The following GDAP1L1 variants were observed in gnomAD, a reference collection of about 807,000 sequenced individuals.
GDAP1L1 encodes ganglioside-induced differentiation-associated protein 1-like 1.
A neutral mutation model predicts 37.1 loss-of-function variants in GDAP1L1; 21 were observed. That is an observed-to-expected ratio of 0.57 (90% CI 0.40 to 0.81). The LOEUF (loss-of-function observed/expected upper bound fraction) is 0.81. Among genes scored for constraint, GDAP1L1 ranks in the 40% least tolerant of loss-of-function variants. The probability of loss-of-function intolerance (pLI) is 0.00; values close to 1 mark genes in which losing one functional copy is unlikely to be tolerated. For missense variants in GDAP1L1, 362 were observed against 491.6 expected, an observed-to-expected ratio of 0.74 and a Z score of 2.49; for synonymous variants, 193 against 209.1, an observed-to-expected ratio of 0.92 and a Z score of 0.67.
chr20:44,278,067 T>C (rs1442032162), intron 5 of GDAP1L1, among the ~76,000 whole-genome samples: 1 of 150,588 alleles, frequency 6.6e-6, no homozygotes, highest in Non-Finnish European at 1.5e-5. Context: ...AGCGGGAGAA[T>C]TGCTTGAACC....
chr20:44,263,419 G>T (rs1325426793), intron 4 of GDAP1L1, 92 bp downstream of exon 4: 3 of 914,354 alleles, frequency 3.3e-6, no homozygotes, highest in African/African-American at 3.3e-5. Context: ...ATCAGCTGAT[G>T]ATATGAAATG....
chr20:44,257,315 A>G lies in GDAP1L1; in HGVS notation c.343A>G (p.Ile115Val). The G allele has an allele frequency of 1.2e-6, 2 of 1,613,908 alleles. No homozygotes were observed. The highest frequency in any genetic ancestry group is 1.7e-6 in the Non-Finnish European group (2 of 1,179,916). ...CATCATCAGTGACTATGACCAGATCATTGACTATGTGGAGCGCACCTTCAC... is the reference window on the plus strand; with the variant it reads ...CATCATCAGTGACTATGACCAGATCGTTGACTATGTGGAGCGCACCTTCAC... ...DNIISDYDQI[I>V]DYVERTFTGE... Residue 115 changes from isoleucine to valine, a missense_variant, in exon 2 of 6, where the codon ATT (isoleucine) becomes GTT (valine). Physicochemically the swap from Ile to Val is conservative, Grantham distance 29. Coordinates refer to ENST00000342560, the MANE Select transcript of GDAP1L1 (RefSeq NM_024034.6).
chr20:44,258,941 C>A (rs2073618834), intron 3 of GDAP1L1, among the ~76,000 whole-genome samples: 1 of 151,358 alleles, frequency 6.6e-6, no homozygotes, highest in Non-Finnish European at 1.5e-5. Context: ...TCCCATCCCC[C>A]TCCCCTGTCC....
chr20:44,277,259 G>A (rs908765135), intron 5 of GDAP1L1, among the ~76,000 whole-genome samples: 17 of 152,114 alleles, frequency 1.1e-4, no homozygotes, highest in African/African-American at 4.1e-4. Flanking sequence ...GAGCCACGGC[G>A]CCCAGCCAAA....
intron 5 of GDAP1L1, among the ~76,000 whole-genome samples, chr20:44,276,181 A>T (rs555268529): frequency 9.6e-4 from 144 of 150,630 alleles, no homozygotes; most frequent in African/African-American, 3.0e-3. Context: ...AAAAAAAAAA[A>T]AATAATAGCC....
At chr20:44,273,618 G>A (rs537148227) in intron 5 of GDAP1L1, among the ~76,000 whole-genome samples, 3 of 152,192 alleles carry the variant, frequency 2.0e-5, no homozygotes, top group Admixed American at 1.3e-4. Flanking sequence ...CCTACTCAGC[G>A]CCTTCACCTG....
chr20:44,266,436 G>A (rs2073763193), intron 5 of GDAP1L1, among the ~76,000 whole-genome samples: 1 of 151,780 alleles, frequency 6.6e-6, no homozygotes, highest in Non-Finnish European at 1.5e-5. Flanking sequence ...GGGCCTTTGG[G>A]GGACAGAGTC....
chr20:44,247,587 A>T, intron 1 of GDAP1L1, 73 bp downstream of exon 1: 1 of 1,356,846 alleles, frequency 7.4e-7, no homozygotes, highest in Non-Finnish European at 9.8e-7. Context: ...GGCTTGAGGG[A>T]TCTGAGGGCG....
intron 3 of GDAP1L1, among the ~76,000 whole-genome samples, chr20:44,262,633 A>G (rs2073692770): frequency 6.6e-6 from 1 of 151,898 alleles, no homozygotes; most frequent in Admixed American, 6.6e-5. Context: ...TCTTCCCTAC[A>G]GTTTACTCAT....
chr20:44,279,059 AAT>A lies in GDAP1L1; in HGVS notation c.865_866del (p.Tyr289LeufsTer14). 6.2e-7 allele frequency: 1 copy of A among 1,614,170 alleles called. No individual in the cohort carries two copies. Among genetic ancestry groups the A allele is most frequent in the Non-Finnish European group, 8.5e-7 (1 of 1,180,012 alleles). ...CTCAAGTTCCTGGGACTGTCCAAGA[AAT>A]ACTGGGAAGATGGCAGCCGGCCCAA... is the stretch of plus-strand genomic sequence containing the variant. On this transcript the variant is annotated frameshift_variant, in exon 6 of 6. Transcript: ENST00000342560. LOFTEE classifies it high-confidence loss of function.
intron 1 of GDAP1L1, among the ~76,000 whole-genome samples, chr20:44,251,385 C>G (rs1002019034): frequency 6.6e-6 from 1 of 152,196 alleles, no homozygotes; most frequent in Non-Finnish European, 1.5e-5. Context: ...CTCTGGAGGG[C>G]CCCTGGCCCA....
intron 5 of GDAP1L1, among the ~76,000 whole-genome samples, chr20:44,272,433 G>A (rs1047886515): frequency 9.2e-5 from 14 of 152,158 alleles, no homozygotes; most frequent in Non-Finnish European, 1.9e-4. Flanking sequence ...GAGAAGAGAG[G>A]ATGAAAAGAT....
intron 5 of GDAP1L1, among the ~76,000 whole-genome samples, chr20:44,273,309 T>G (rs528124162): frequency 1.3e-5 from 2 of 152,288 alleles, no homozygotes; most frequent in East Asian, 3.9e-4. Context: ...TTGGGCTGCT[T>G]CTTCTCATGT....
intron 2 of GDAP1L1, among the ~76,000 whole-genome samples, chr20:44,257,972 G>A (rs529520059): frequency 6.6e-6 from 1 of 152,112 alleles, no homozygotes; most frequent in South Asian, 2.1e-4. Flanking sequence ...CCAGAACCTC[G>A]CAGAGACCCC....
At chr20:44,257,831 C>G (rs1238619879) in intron 2 of GDAP1L1, among the ~76,000 whole-genome samples, 2 of 151,890 alleles carry the variant, frequency 1.3e-5, no homozygotes, top group Admixed American at 1.3e-4. Flanking sequence ...GCCCCAGAAC[C>G]CTGAGACAGG....
In GDAP1L1 at chr20:44,279,107, G is replaced by A; in HGVS notation, c.911G>A (p.Arg304Lys). Residue 304 changes from arginine to lysine, a missense_variant, in exon 6 of 6, where the codon AGG (arginine) becomes AAG (lysine). Physicochemically the swap from Arg to Lys is conservative, Grantham distance 26 (BLOSUM62 2). Coordinates refer to ENST00000342560, the MANE Select transcript of GDAP1L1 (RefSeq NM_024034.6). ...CCCAACCTGCAGTCCTTCTTTGAGA[G>A]GGTCCAGAGACGCTTTGCCTTCCGG... ...SRPNLQSFFE[R>K]VQRRFAFRKV... is the part of the protein sequence containing the mutation. 6.2e-7 allele frequency: 1 copy of A among 1,614,166 alleles called. No homozygotes were observed. The highest frequency in any genetic ancestry group is 8.5e-7 in the Non-Finnish European group (1 of 1,180,016).
At chr20:44,267,552 A>G (rs2062467318) in intron 5 of GDAP1L1, among the ~76,000 whole-genome samples, 1 of 150,490 alleles carries the variant, frequency 6.6e-6, no homozygotes, top group African/African-American at 2.4e-5. Flanking sequence ...CAGAGGTTGC[A>G]GTGAGCTGAG....
In GDAP1L1 at chr20:44,265,236, G is replaced by T. The variant is rs973682450; in HGVS notation, c.760+677G>T. ...TGCTCCCAGCTGGGCCTCTAAACTTGGACATGCCAGCTTCATTCTACCTCC... is the reference window on the plus strand; with the variant it reads ...TGCTCCCAGCTGGGCCTCTAAACTTTGACATGCCAGCTTCATTCTACCTCC... On this transcript the variant is annotated intron_variant, in intron 5 of 5. Coordinates refer to ENST00000342560, the MANE Select transcript of GDAP1L1 (RefSeq NM_024034.6). 6.1e-6 allele frequency: 6 copies of T among 985,160 alleles called. No individual in the cohort carries two copies. The African/African-American group carries it at 1.0e-4, about 17-fold the overall frequency. 61.0% of individuals were successfully genotyped at this position (985,160 alleles called of 1,614,324 possible).
At chr20:44,269,836 C>T (rs2062494309) in intron 5 of GDAP1L1, among the ~76,000 whole-genome samples, 1 of 152,132 alleles carries the variant, frequency 6.6e-6, no homozygotes, top group Non-Finnish European at 1.5e-5. Context: ...AAGGCTGAGG[C>T]AGGCGAATGG....
Sources: gnomAD v4.1 joint callset for allele counts (sites outside exome capture counted in the v4.1 genomes callset) on GRCh38, gnomAD v4.1.1 for gene constraint, MANE v1.5 for transcripts, NCBI Gene and HGNC (gene_info 2026-07-23, HGNC 2026-07-21) for gene names.